The following TRPM2 variants were observed in gnomAD, a reference collection of about 807,000 sequenced individuals.
TRPM2 encodes transient receptor potential cation channel subfamily M member 2.
Under a neutral mutation model 174.0 loss-of-function variants are expected in TRPM2, and 161 were observed. That is an observed-to-expected ratio of 0.93 (90% CI 0.81 to 1.05). TRPM2 has a LOEUF of 1.05. TRPM2 is among the 50% of genes least tolerant of loss of function. TRPM2 has a pLI of 0.00. For missense variants in TRPM2, 2,057 were observed against 2,038.0 expected, an observed-to-expected ratio of 1.01 and a Z score of -0.18; for synonymous variants, 954 against 861.3, an observed-to-expected ratio of 1.11 and a Z score of -1.88.
At position 44,355,348 on chromosome 21, in the gene TRPM2, G is replaced by A. The variant is rs192544524; in HGVS notation, c.254+612G>A. Among the ~76,000 whole-genome samples, 622 of 152,356 alleles carry A rather than the reference G, an allele frequency of 4.1e-3. 5 individuals are homozygous for A. Among genetic ancestry groups the A allele is most frequent in the African/African-American group, 0.014 (600 of 41,576 alleles). ...CGCAGTTGGCGCCCCTTTAGGCACG[G>A]ACAGAGTGTTGATTCATGTTTGTGT... On this transcript the variant is annotated intron_variant, in intron 2 of 31. Transcript: ENST00000397928.
Position 44,441,799 on chromosome 21 carries a change from G to A in TRPM2, c.4494G>A (p.Glu1498=), listed in dbSNP as rs370418519. ...HKTLLQKAAA[E]FGAHY Reference sequence around the variant, plus strand: ...CCCTCCTCCAGAAGGCAGCCGCTGAGTTCGGGGCTCACTACTGACTGTGCC... The same window carrying A: ...CCCTCCTCCAGAAGGCAGCCGCTGAATTCGGGGCTCACTACTGACTGTGCC... Residue 1498 remains glutamate, a synonymous_variant, in exon 32 of 32, where the codon GAG becomes GAA. Transcript: ENST00000397928. The A allele has an allele frequency of 2.7e-5, 43 of 1,609,212 alleles. No individual in the cohort carries two copies. The highest frequency in any genetic ancestry group is 3.1e-5 in the Non-Finnish European group (37 of 1,177,854).
chr21:44,382,831 G>A lies in TRPM2; in HGVS notation c.1318+11G>A. ...AGGCCTTGCTGAAAGGTGAGGGTCAGGGAACATGGGGGCAATGGGGTGGAG... is the reference window on the plus strand; with the variant it reads ...AGGCCTTGCTGAAAGGTGAGGGTCAAGGAACATGGGGGCAATGGGGTGGAG... On this transcript the variant is annotated intron_variant, in intron 9 of 31. Transcript: ENST00000397928. 6.2e-7 allele frequency: 1 copy of A among 1,608,944 alleles called. No homozygotes were observed. The highest frequency in any genetic ancestry group is 1.1e-5 in the South Asian group (1 of 90,222).
chr21:44,410,912 C>T (rs561767271), intron 19 of TRPM2, among the ~76,000 whole-genome samples: 5 of 146,098 alleles, frequency 3.4e-5, no homozygotes, highest in African/African-American at 1.0e-4. Context: ...TCTTGGTTGG[C>T]GTAGCCTTGT....
At chr21:44,430,120 CTGTTA>C (rs1470399756) in intron 27 of TRPM2, among the ~76,000 whole-genome samples, 1 of 152,142 alleles carries the variant, frequency 6.6e-6, no homozygotes, top group African/African-American at 2.4e-5. Context: ...ATAAACTCTT[CTGTTA>C]TATTTAACGT....
rs1171207586 is a variant in TRPM2, at chr21:44,391,964, A to G, written c.1794+339A>G. ...TGCCACTTCCTCTTCTTTTTCTTTT[A>G]TTTATTTTTTATTTTTTTGAGACAG... On this transcript the variant is annotated intron_variant, in intron 11 of 31. Coordinates refer to ENST00000397928, the MANE Select transcript of TRPM2 (RefSeq NM_003307.4). This position sits in a 1 kb window ranked among gnomAD's most constrained non-coding sequence, Gnocchi z 5.0. 6.6e-6 allele frequency among the ~76,000 whole-genome samples: 1 copy of G among 151,588 alleles called. No individual in the cohort carries two copies. Among genetic ancestry groups the G allele is most frequent in the Non-Finnish European group, 1.5e-5 (1 of 67,912 alleles).
chr21:44,382,954 G>A, intron 9 of TRPM2, 134 bp downstream of exon 9: 1 of 938,272 alleles, frequency 1.1e-6, no homozygotes, highest in South Asian at 1.6e-5. Flanking sequence ...CCTGGCCAGA[G>A]GGCAGCTGGC....
At chr21:44,360,800 C>T (rs2048187344) in intron 2 of TRPM2, among the ~76,000 whole-genome samples, 1 of 152,076 alleles carries the variant, frequency 6.6e-6, no homozygotes, top group Admixed American at 6.5e-5. Flanking sequence ...CTCGGGACCT[C>T]AACTGATCTG....
chr21:44,409,943 G>A (rs2146315306), intron 19 of TRPM2, among the ~76,000 whole-genome samples: 1 of 149,572 alleles, frequency 6.7e-6, no homozygotes, highest in East Asian at 2.0e-4. Flanking sequence ...TGCTGTCTTG[G>A]TTGGCGTAGC....
rs1434757634 is a variant in TRPM2, at chr21:44,353,631, T to G, written c.-70T>G. 1.4e-6 allele frequency: 2 copies of G among 1,389,640 alleles called. No individual in the cohort carries two copies. The highest frequency in any genetic ancestry group is 3.0e-5 in the East Asian group (1 of 32,952). The allele number at this position is 1,389,640 out of a possible 1,614,324, so 86.1% of individuals were successfully genotyped here. A position where few individuals can be genotyped will look rare whatever the true frequency, so the allele number is the denominator to read the frequency against. ...ACCCCATGTGTCTCTAGAACCCCAG[T>G]GTAGCGAGCTGGAGAGAGGACTGTC... On this transcript the variant is annotated 5_prime_UTR_variant, in exon 1 of 32. Transcript: ENST00000397928.
intron 18 of TRPM2, 78 bp downstream of exon 18, chr21:44,406,115 T>A: frequency 6.4e-7 from 1 of 1,556,200 alleles, no homozygotes; most frequent in African/African-American, 1.4e-5. Flanking sequence ...CCCTTGCCAG[T>A]GGCTCGGACT....
At chr21:44,382,863 A>T (rs766102843) in intron 9 of TRPM2, 43 bp downstream of exon 9, 1 of 1,553,414 alleles carries the variant, frequency 6.4e-7, no homozygotes, top group Admixed American at 1.8e-5. Context: ...GGAGGCCAGA[A>T]CGTGAGCTCT....
chr21:44,425,926 A>G, intron 25 of TRPM2, 99 bp downstream of exon 25: 14 of 1,311,672 alleles, frequency 1.1e-5, no homozygotes, highest in Non-Finnish European at 1.3e-5. Context: ...CCTGGCTCCC[A>G]GCCACTGCAG....
In TRPM2 at chr21:44,434,862, C is replaced by T. The variant is rs547425954; in HGVS notation, c.3975-269C>T. ...GGAGAAGGTGGCCACTTTAGCCCCT[C>T]GCTGGCCTGCAGTGGCCGGACTTCT... On this transcript the variant is annotated intron_variant, in intron 27 of 31. Coordinates refer to ENST00000397928, the MANE Select transcript of TRPM2 (RefSeq NM_003307.4). Among the ~76,000 whole-genome samples, 7 of 152,242 alleles carry T rather than the reference C, an allele frequency of 4.6e-5. No homozygotes were observed. The East Asian group carries it at 7.7e-4, about 17-fold the overall frequency.
At chr21:44,359,608 T>A (rs892741676) in intron 2 of TRPM2, among the ~76,000 whole-genome samples, 11 of 151,392 alleles carry the variant, frequency 7.3e-5, no homozygotes, top group African/African-American at 1.7e-4. Flanking sequence ...TGTTTTTTTT[T>A]AATTCCCTTA....
chr21:44,406,686 C>A lies in TRPM2; in HGVS notation c.2883C>A (p.Arg961=). The stretch of plus-strand genomic sequence containing the variant: ...AGGCCATCCTCATCCACAACGAGCG[C>A]CGGGTGGACTGGCTGTTCCGAGGGG... ...AKQAILIHNE[R]RVDWLFRGAV... The change falls in exon 19 of 32, where the codon CGC becomes CGA. Residue 961 remains arginine (R), a synonymous_variant. Transcript: ENST00000397928. The A allele has an allele frequency of 1.2e-6, 2 of 1,610,272 alleles. No homozygotes were observed. Among genetic ancestry groups the A allele is most frequent in the Non-Finnish European group, 1.7e-6 (2 of 1,179,382 alleles).
intron 22 of TRPM2, among the ~76,000 whole-genome samples, chr21:44,420,640 G>A (rs577689686): frequency 3.9e-5 from 6 of 152,328 alleles, no homozygotes; most frequent in Admixed American, 2.6e-4. Context: ...GGATGGCCTC[G>A]TCTGGGACTT....
At chr21:44,431,106 T>C (rs1008407722) in intron 27 of TRPM2, among the ~76,000 whole-genome samples, 13 of 152,044 alleles carry the variant, frequency 8.6e-5, no homozygotes, top group African/African-American at 3.1e-4. Context: ...TTCTACTTCT[T>C]ATGGATTTGC....
chr21:44,405,340 C>A, intron 17 of TRPM2, 80 bp downstream of exon 17: 1 of 1,581,886 alleles, frequency 6.3e-7, no homozygotes, highest in African/African-American at 1.3e-5. Context: ...GGCCCAGAAC[C>A]AGCCACACCG....
chr21:44,375,124 G>C (rs927005734), intron 5 of TRPM2, among the ~76,000 whole-genome samples: 2 of 152,148 alleles, frequency 1.3e-5, no homozygotes, highest in Non-Finnish European at 2.9e-5. Context: ...CGTCCAGGCT[G>C]GTCTCGAACT....
Sources: allele counts gnomAD v4.1 joint callset (sites outside exome capture counted in the v4.1 genomes callset), GRCh38; gene constraint gnomAD v4.1.1; non-coding constraint Gnocchi (gnomAD v3.1); transcripts MANE v1.5; gene names NCBI Gene and HGNC (gene_info 2026-07-23, HGNC 2026-07-21).